The following JARID2 variants were observed in gnomAD, a reference collection of about 807,000 sequenced individuals.
The protein encoded by JARID2 is jumonji and AT-rich interaction domain containing 2, also known as protein Jumonji.
In JARID2, 21 loss-of-function variants were observed where a neutral mutation model predicts 125.6. The observed-to-expected ratio is 0.17, with a 90% CI of 0.12 to 0.24. JARID2 has a LOEUF of 0.24. JARID2 is among the 10% of genes least tolerant of loss of function. The pLI is 1.00. For synonymous variants in JARID2, 736 were observed against 661.6 expected (o/e 1.11, Z -1.73); for missense variants, 1,303 against 1,639.6 (o/e 0.79, Z 3.55).
At chr6:15,288,937 T>C (rs1412201204) in intron 1 of JARID2, among the ~76,000 whole-genome samples, 2 of 152,202 alleles carry the variant, frequency 1.3e-5, no homozygotes, top group East Asian at 3.9e-4. Context: ...ATGAGTCAGC[T>C]TCTCTCGTTA....
intron 1 of JARID2, among the ~76,000 whole-genome samples, chr6:15,249,684 G>T (rs1243749255): frequency 1.3e-5 from 2 of 152,182 alleles, no homozygotes; most frequent in Middle Eastern, 3.2e-3. Flanking sequence ...AAAAGCCCGG[G>T]ATGCCTGCTG....
chr6:15,261,925 C>T (rs1408216085), intron 1 of JARID2, among the ~76,000 whole-genome samples: 8 of 151,808 alleles, frequency 5.3e-5, no homozygotes, highest in East Asian at 1.9e-4. Context: ...GGACTACAGG[C>T]GCGCGCCACC....
chr6:15,272,535 C>A (rs539245137), intron 1 of JARID2, among the ~76,000 whole-genome samples: 1 of 152,344 alleles, frequency 6.6e-6, no homozygotes, highest in South Asian at 2.1e-4. Flanking sequence ...TACGTATTCA[C>A]TTCTTACCAC....
chr6:15,380,407 G>A (rs1285372548), intron 2 of JARID2, among the ~76,000 whole-genome samples: 1 of 152,112 alleles, frequency 6.6e-6, no homozygotes, highest in Non-Finnish European at 1.5e-5. Flanking sequence ...CTGTGTTTCT[G>A]GGCTTTATTT....
intron 3 of JARID2, among the ~76,000 whole-genome samples, chr6:15,449,977 T>C (rs543456881): frequency 5.3e-5 from 8 of 152,152 alleles, no homozygotes; most frequent in South Asian, 2.1e-4. Context: ...TTTAAAGGTA[T>C]TAGTTTTGAT....
chr6:15,393,713 G>GA (rs1222635398), intron 2 of JARID2, among the ~76,000 whole-genome samples: 15 of 152,180 alleles, frequency 9.9e-5, no homozygotes, highest in African/African-American at 3.6e-4. Context: ...ACACGAAATT[G>GA]TTAACAGTGA....
intron 16 of JARID2, among the ~76,000 whole-genome samples, chr6:15,515,945 G>T (rs981681523): frequency 3.3e-5 from 5 of 149,980 alleles, no homozygotes; most frequent in African/African-American, 1.2e-4. Flanking sequence ...GGAGGTTGCA[G>T]TGAGCCGAGA....
intron 1 of JARID2, among the ~76,000 whole-genome samples, chr6:15,287,511 A>T (rs1483000416): frequency 6.6e-6 from 1 of 152,260 alleles, no homozygotes; most frequent in Non-Finnish European, 1.5e-5. Flanking sequence ...TTGTGTTGAT[A>T]CCAAACTCAC....
chr6:15,289,703 G>A (rs1216722997), intron 1 of JARID2, among the ~76,000 whole-genome samples: 3 of 152,088 alleles, frequency 2.0e-5, no homozygotes, highest in South Asian at 2.1e-4. Context: ...AAATACACAC[G>A]GGCGTGGTGG....
In JARID2 at chr6:15,496,534, C is replaced by T. The variant is rs961843404; in HGVS notation, c.1309C>T (p.Leu437=). Residue 437 remains leucine (L), a synonymous_variant, in exon 7 of 18, where the codon CTG becomes TTG. Transcript: ENST00000341776. ...GGAGGGCCTGCAGCTGCGGGAGGGG[C>T]TGCGGAACTCCAAGAGGAGACTGGA... ...LREGLQLREG[L]RNSKRRLEEA... 7 of 1,608,240 alleles carry T rather than the reference C, an allele frequency of 4.4e-6. No homozygotes were observed. Among genetic ancestry groups the T allele is most frequent in the Admixed American group, 1.7e-5 (1 of 59,346 alleles).
chr6:15,414,545 G>A (rs199616975), intron 3 of JARID2, among the ~76,000 whole-genome samples: 11 of 27,746 alleles, frequency 4.0e-4, no homozygotes, highest in South Asian at 1.5e-3. Flanking sequence ...ACTCAAAACC[G>A]GTATATTTTT....
chr6:15,333,652 A>G (rs1049842162), intron 1 of JARID2, among the ~76,000 whole-genome samples: 1 of 152,218 alleles, frequency 6.6e-6, no homozygotes, highest in Admixed American at 6.5e-5. Context: ...GTGTTGTGCA[A>G]CCATCACCAC....
intron 3 of JARID2, among the ~76,000 whole-genome samples, chr6:15,427,637 C>T (rs1046326793): frequency 6.6e-6 from 1 of 152,130 alleles, no homozygotes; most frequent in Non-Finnish European, 1.5e-5. Flanking sequence ...TTCACACCCC[C>T]AAAGGACAAG....
chr6:15,342,270 G>A (rs1022747259), intron 1 of JARID2, among the ~76,000 whole-genome samples: 2 of 152,140 alleles, frequency 1.3e-5, no homozygotes, highest in Admixed American at 6.5e-5. Flanking sequence ...GCCTCTGTGC[G>A]ACTTACTGTA....
At chr6:15,474,587 G>T (rs1458152137) in intron 5 of JARID2, among the ~76,000 whole-genome samples, 4 of 151,026 alleles carry the variant, frequency 2.6e-5, no homozygotes, top group African/African-American at 9.7e-5. Context: ...GCATTAATTT[G>T]TCCAGTCATT....
intron 1 of JARID2, among the ~76,000 whole-genome samples, chr6:15,359,764 A>G (rs942212451): frequency 2.7e-5 from 4 of 150,720 alleles, no homozygotes; most frequent in African/African-American, 9.8e-5. Context: ...TTGCAGTGGC[A>G]CAATCTCTGC....
intron 8 of JARID2, among the ~76,000 whole-genome samples, chr6:15,504,239 C>G (rs895284039): frequency 3.3e-5 from 5 of 152,262 alleles, no homozygotes; most frequent in African/African-American, 7.2e-5. Context: ...CTCAGGGCCT[C>G]TGGGCGGCAG....
chr6:15,481,317 G>A (rs1296106356), intron 5 of JARID2, among the ~76,000 whole-genome samples: 1 of 152,184 alleles, frequency 6.6e-6, no homozygotes. Context: ...TCACAGTGAT[G>A]AATGCTTTTT....
intron 3 of JARID2, among the ~76,000 whole-genome samples, chr6:15,444,980 C>T (rs532114947): frequency 3.1e-4 from 47 of 152,134 alleles, no homozygotes; most frequent in African/African-American, 1.1e-3. Context: ...TTGTGTGTCA[C>T]GCCATGCCCT....
Sources: allele counts gnomAD v4.1 joint callset (sites outside exome capture counted in the v4.1 genomes callset), GRCh38; gene constraint gnomAD v4.1.1; transcripts MANE v1.5; gene names NCBI Gene and HGNC (gene_info 2026-07-23, HGNC 2026-07-21).